The following CLIC2 variants were observed in gnomAD, a reference collection of about 807,000 sequenced individuals.
CLIC2 encodes chloride intracellular channel protein 2.
Under a neutral mutation model 14.8 loss-of-function variants are expected in CLIC2, and 9 were observed. That is an observed-to-expected ratio of 0.61 (90% confidence interval 0.37 to 1.06). CLIC2 has a LOEUF of 1.06. Ranked by LOEUF, CLIC2 falls within the 50% of genes least tolerant of loss-of-function variation. The probability of loss-of-function intolerance (pLI) is 0.01; values close to 1 mark genes in which losing one functional copy is unlikely to be tolerated. For missense variants in CLIC2, 148 were observed against 181.4 expected, an observed-to-expected ratio of 0.82 and a Z score of 1.06; for synonymous variants, 61 against 66.3, an observed-to-expected ratio of 0.92 and a Z score of 0.39.
At chrX:155,298,602 A>G (rs2124175856) in intron 3 of CLIC2, among the ~76,000 whole-genome samples, 183 bp downstream of exon 3, 1 of 112,370 alleles carries the variant, frequency 8.9e-6, no homozygotes, top group African/African-American at 3.2e-5. Context: ...AAATTATTTG[A>G]AATATTACAC....
rs782061617 is a variant in CLIC2, at chrX:155,306,407, C to A, written c.58-7262G>T. 2.7e-5 allele frequency among the ~76,000 whole-genome samples: 3 copies of A among 111,736 alleles called. No homozygotes were observed. The Admixed American group carries it at 2.8e-4, about 11-fold the overall frequency. ...CTAAGGCCCTCACCAGAATCAGATG[C>A]CAGCACCATGCTTCTTGTAATATCT... On this transcript the variant is annotated intron_variant, in intron 1 of 5. Coordinates refer to ENST00000369449, the MANE Select transcript of CLIC2 (RefSeq NM_001289.6).
At chrX:155,317,358 G>C (rs1254629159) in intron 1 of CLIC2, among the ~76,000 whole-genome samples, 2 of 111,731 alleles carry the variant, frequency 1.8e-5, no homozygotes, top group African/African-American at 6.5e-5. Flanking sequence ...AACTCAATTA[G>C]AAATGAAATG....
chrX:155,305,846 C>T (rs782610490), intron 1 of CLIC2, among the ~76,000 whole-genome samples: 12 of 111,814 alleles, frequency 1.1e-4, no homozygotes, highest in African/African-American at 3.6e-4. Flanking sequence ...TTTTTCTCTA[C>T]GTGGTCTGGC....
chrX:155,278,996 C>T, intron 5 of CLIC2, 153 bp downstream of exon 5: 2 of 512,236 alleles, frequency 3.9e-6, no homozygotes, highest in Non-Finnish European at 6.9e-6. Context: ...TGGATCTTCC[C>T]TCTAAAGAGA....
Position 155,304,913 on chromosome X carries a change from C to T in CLIC2, c.58-5768G>A, listed in dbSNP as rs1354218959. Among the ~76,000 whole-genome samples, 15 of 103,205 alleles carry T rather than the reference C, an allele frequency of 1.5e-4. No individual in the cohort carries two copies. The East Asian group carries it at 2.5e-3, about 17-fold the overall frequency. The allele number at this position is 103,205 out of a possible 115,157, so 89.6% of individuals were successfully genotyped here. A position where few individuals can be genotyped will look rare whatever the true frequency, so the allele number is the denominator to read the frequency against. On this transcript the variant is annotated intron_variant, in intron 1 of 5. Coordinates refer to ENST00000369449, the MANE Select transcript of CLIC2 (RefSeq NM_001289.6). ...GCTCGGGGGTCAGGGGTCAGGGACC[C>T]ACTTGAGGAGGCAGTCTGCCCGTTC...
In CLIC2 at chrX:155,280,085, C is replaced by T. The variant is rs373032982; in HGVS notation, c.294-17G>A. Reference sequence around the variant, plus strand: ...TGAGGGTACCTTAAAAAGAAACATGCGTCAACTATCATTTGCACATAACAT... The same window carrying T: ...TGAGGGTACCTTAAAAAGAAACATGTGTCAACTATCATTTGCACATAACAT... On this transcript the variant is annotated splice_polypyrimidine_tract_variant and intron_variant, in intron 3 of 5. Coordinates refer to ENST00000369449, the MANE Select transcript of CLIC2 (RefSeq NM_001289.6). 271 of 1,056,501 alleles carry T rather than the reference C, an allele frequency of 2.6e-4. 1 individual carries two copies. The highest frequency in any genetic ancestry group is 8.3e-5 in the Non-Finnish European group (63 of 755,433). The allele number at this position is 1,056,501 out of a possible 1,213,427, so 87.1% of individuals were successfully genotyped here.
At chrX:155,303,941 G>A (rs1323343568) in intron 1 of CLIC2, among the ~76,000 whole-genome samples, 4 of 107,052 alleles carry the variant, frequency 3.7e-5, no homozygotes, top group South Asian at 4.3e-4. Flanking sequence ...GGTTTCTGCC[G>A]ACAGATCCGC....
At chrX:155,285,223 A>T (rs2074937423) in intron 3 of CLIC2, among the ~76,000 whole-genome samples, 1 of 112,574 alleles carries the variant, frequency 8.9e-6, no homozygotes, top group Non-Finnish European at 1.9e-5. Context: ...GTAACAATAA[A>T]ACGTAGAAAC....
chrX:155,334,254 T>C lies in CLIC2; in HGVS notation c.57+117A>G, dbSNP rs992266279. ...TCTTCTAGAACTCAGAGTAGGAAAATAATCACAACATTCTTTCCTATCTCT... is the reference window on the plus strand; with the variant it reads ...TCTTCTAGAACTCAGAGTAGGAAAACAATCACAACATTCTTTCCTATCTCT... On this transcript the variant is annotated intron_variant, in intron 1 of 5. Transcript: ENST00000369449. 7.8e-5 allele frequency: 47 copies of C among 604,577 alleles called. No individual in the cohort carries two copies. The East Asian group carries it at 1.5e-3, about 20-fold the overall frequency. The allele number at this position is 604,577 out of a possible 1,213,427, so 49.8% of individuals were successfully genotyped here.
chrX:155,333,321 GAAC>G (rs2075163390), intron 1 of CLIC2, among the ~76,000 whole-genome samples: 1 of 110,873 alleles, frequency 9.0e-6, no homozygotes, highest in African/African-American at 3.3e-5. Context: ...GAAATGATGA[GAAC>G]AACATTATAA....
Position 155,291,355 on chromosome X carries a change from T to C in CLIC2, c.293+7430A>G, listed in dbSNP as rs143990155. 1.6e-3 allele frequency: 1,280 copies of C among 785,597 alleles called. 13 individuals are homozygous for C. The African/African-American group carries it at 0.024, about 15-fold the overall frequency. 64.7% of individuals were successfully genotyped at this position (785,597 alleles called of 1,213,427 possible). A position where few individuals can be genotyped will look rare whatever the true frequency, so the allele number is the denominator to read the frequency against. ...GATCTCTTTAACATCTTCACTTGCTTGGATGCAGGTCTGGTGGGACGTGGC... is the reference window on the plus strand; with the variant it reads ...GATCTCTTTAACATCTTCACTTGCTCGGATGCAGGTCTGGTGGGACGTGGC... On this transcript the variant is annotated intron_variant, in intron 3 of 5. Coordinates refer to ENST00000369449, the MANE Select transcript of CLIC2 (RefSeq NM_001289.6).
chrX:155,324,194 T>G (rs1015005472), intron 1 of CLIC2, among the ~76,000 whole-genome samples: 4 of 112,598 alleles, frequency 3.6e-5, no homozygotes, highest in East Asian at 2.8e-4. Flanking sequence ...GTTGTGCACA[T>G]GTACCCTAAA....
At chrX:155,325,354 A>G (rs1312560409) in intron 1 of CLIC2, among the ~76,000 whole-genome samples, 1 of 111,572 alleles carries the variant, frequency 9.0e-6, no homozygotes, top group African/African-American at 3.3e-5. Context: ...ACTTGGAATC[A>G]ACCCAAAGGG....
intron 1 of CLIC2, among the ~76,000 whole-genome samples, chrX:155,325,125 TGTG>T (rs1329314617): frequency 9.8e-5 from 11 of 111,884 alleles, no homozygotes; most frequent in Non-Finnish European, 1.9e-4. Flanking sequence ...CTGGAGAGGA[TGTG>T]GAGAAATAGG....
chrX:155,327,911 C>A (rs1209635623), intron 1 of CLIC2, among the ~76,000 whole-genome samples: 1 of 111,616 alleles, frequency 9.0e-6, no homozygotes, highest in Non-Finnish European at 1.9e-5. Flanking sequence ...ACAAAAACCT[C>A]ATGATCATTT....
chrX:155,334,102 C>A (rs1264609832), intron 1 of CLIC2, among the ~76,000 whole-genome samples: 2 of 111,238 alleles, frequency 1.8e-5, no homozygotes, highest in Non-Finnish European at 3.8e-5. Flanking sequence ...ATATAGGAAG[C>A]CATTAAGAAT....
intron 3 of CLIC2, among the ~76,000 whole-genome samples, chrX:155,280,565 C>T (rs1166903375): frequency 2.7e-5 from 3 of 110,418 alleles, no homozygotes; most frequent in Non-Finnish European, 5.7e-5. Flanking sequence ...TGGTGGCGGG[C>T]GCCTGTAGTT....
chrX:155,323,236 A>C (rs2075123508), intron 1 of CLIC2, among the ~76,000 whole-genome samples: 1 of 111,626 alleles, frequency 9.0e-6, no homozygotes, highest in Non-Finnish European at 1.9e-5. Context: ...ACAAAAAGAA[A>C]ATTTCACGCC....
intron 1 of CLIC2, among the ~76,000 whole-genome samples, chrX:155,306,698 G>A (rs2075056784): frequency 1.8e-5 from 2 of 110,652 alleles, no homozygotes; most frequent in South Asian, 3.8e-4. Flanking sequence ...AATTGAACTG[G>A]GAGCAGACAC....
Sources: allele counts gnomAD v4.1 joint callset (sites outside exome capture counted in the v4.1 genomes callset), GRCh38; gene constraint gnomAD v4.1.1; transcripts MANE v1.5; gene names NCBI Gene and HGNC (gene_info 2026-07-23, HGNC 2026-07-21).